GRM7: variants seen among roughly 807,000 people sequenced by gnomAD.
The protein encoded by GRM7 is glutamate metabotropic receptor 7.
Under a neutral mutation model 84.5 loss-of-function variants are expected in GRM7, and 35 were observed. The ratio of observed to expected loss-of-function variants is 0.41; its 90% CI spans 0.32 to 0.55. The LOEUF (loss-of-function observed/expected upper bound fraction) is 0.55. GRM7 is among the 20% of genes least tolerant of loss of function. The pLI is 0.19. For missense variants in GRM7, 1,003 were observed against 1,194.6 expected (o/e 0.84, Z 2.36); for synonymous variants, 487 against 455.1 (o/e 1.07, Z -0.89).
chr3:7,483,169 A>G (rs778088034), intron 7 of GRM7, among the ~76,000 whole-genome samples: 1 of 152,208 alleles, frequency 6.6e-6, no homozygotes, highest in South Asian at 2.1e-4. Context: ...TGAGGATGCA[A>G]CCTTGGACAT....
At chr3:7,628,608 G>C (rs1050999273) in intron 8 of GRM7, among the ~76,000 whole-genome samples, 2 of 152,044 alleles carry the variant, frequency 1.3e-5, no homozygotes, top group Non-Finnish European at 2.9e-5. Context: ...AAATCCCTAA[G>C]GTTACTTCCA....
chr3:7,548,215 A>C (rs192386688), intron 7 of GRM7, among the ~76,000 whole-genome samples: 4 of 152,350 alleles, frequency 2.6e-5, no homozygotes, highest in African/African-American at 9.6e-5. Context: ...CCTCTAGGTA[A>C]TGAGTGAATG....
intron 2 of GRM7, among the ~76,000 whole-genome samples, chr3:7,262,647 GT>G (rs1199642854): frequency 3.3e-5 from 5 of 152,142 alleles, no homozygotes; most frequent in African/African-American, 1.2e-4. Context: ...TAAAGAACTG[GT>G]GTAGTTGTTT....
chr3:7,148,057 A>T (rs1276098696), intron 2 of GRM7, among the ~76,000 whole-genome samples: 1 of 152,126 alleles, frequency 6.6e-6, no homozygotes, highest in African/African-American at 2.4e-5. Context: ...CTAAAGGAAA[A>T]ATTTAGGCTA....
At chr3:7,602,290 T>G (rs1030619352) in intron 8 of GRM7, among the ~76,000 whole-genome samples, 4 of 152,048 alleles carry the variant, frequency 2.6e-5, no homozygotes, top group Non-Finnish European at 5.9e-5. Flanking sequence ...CCTCCCCTAG[T>G]CAGGTGACAC....
chr3:7,563,550 G>C (rs934769942), intron 7 of GRM7, among the ~76,000 whole-genome samples: 4 of 152,118 alleles, frequency 2.6e-5, no homozygotes, highest in Non-Finnish European at 4.4e-5. Context: ...AAAGATTTGG[G>C]ACATTTAAGA....
At chr3:7,083,292 G>A (rs1384743570) in intron 1 of GRM7, among the ~76,000 whole-genome samples, 1 of 152,148 alleles carries the variant, frequency 6.6e-6, no homozygotes, top group African/African-American at 2.4e-5. Context: ...ACAGCTTGCT[G>A]AAGGCTCAGA....
At chr3:7,481,934 T>C (rs562857533) in intron 7 of GRM7, among the ~76,000 whole-genome samples, 163 of 152,222 alleles carry the variant, frequency 1.1e-3, no homozygotes, top group African/African-American at 3.9e-3. Flanking sequence ...ACGCCTGTAA[T>C]CCCCAGCACT....
rs536013120 is a variant in GRM7, at chr3:7,613,066, A to T, written c.2451+33709A>T. Among the ~76,000 whole-genome samples, 8 of 152,192 alleles carry T rather than the reference A, an allele frequency of 5.3e-5. No homozygotes were observed. In the East Asian group the frequency reaches 1.5e-3, roughly 29 times the overall value. ...TTTTTTAACATATTTATGTTATGTA[A>T]AGACAGTAAAAACTATCTCCCAACA... On this transcript the variant is annotated intron_variant, in intron 8 of 9. Coordinates refer to ENST00000357716, the MANE Select transcript of GRM7 (RefSeq NM_000844.4).
rs150097885 is a variant in GRM7 at position 7,102,599 on chromosome 3, G to A, written c.520-43853G>A. ...ATGTACAAGTCGAGGTATTGTCCTC[G>A]AATTGGAGAACATTTATCTAGTTTT... On this transcript the variant is annotated intron_variant, in intron 1 of 9. Transcript: ENST00000357716. 1.0e-3 allele frequency among the ~76,000 whole-genome samples: 151 copies of A among 151,722 alleles called. No homozygotes were observed. In the Middle Eastern group the frequency reaches 0.027, roughly 27 times the overall value.
At position 7,733,816 on chromosome 3, in the gene GRM7, C is replaced by T. The variant is rs539445438; in HGVS notation, c.2699-6541C>T. ...GCACTGTCTGACCCTCCTCTCCACG[C>T]ACCTTTGGAAACAAAGTATACCTTT... On this transcript the variant is annotated intron_variant, in intron 9 of 9. Transcript: ENST00000357716. 2.6e-4 allele frequency among the ~76,000 whole-genome samples: 40 copies of T among 152,276 alleles called. 1 individual carries two copies. The highest frequency in any genetic ancestry group is 9.6e-4 in the African/African-American group (40 of 41,556).
chr3:7,291,613 AG>A (rs1237264676), intron 2 of GRM7, among the ~76,000 whole-genome samples: 2 of 150,380 alleles, frequency 1.3e-5, no homozygotes, highest in Non-Finnish European at 3.0e-5. Flanking sequence ...AACTGACTTC[AG>A]GGGATTTCTG....
intron 1 of GRM7, among the ~76,000 whole-genome samples, chr3:6,997,494 C>T (rs1205778939): frequency 6.6e-6 from 1 of 152,078 alleles, no homozygotes; most frequent in Non-Finnish European, 1.5e-5. Flanking sequence ...GGGAAAGCCC[C>T]TTATAAAGCC....
chr3:7,458,382 T>C (rs557625990), intron 6 of GRM7, among the ~76,000 whole-genome samples: 2 of 152,254 alleles, frequency 1.3e-5, no homozygotes, highest in South Asian at 4.1e-4. Flanking sequence ...AAATATAGAG[T>C]TCATTGAACA....
Position 7,295,855 on chromosome 3 carries a change from A to G in GRM7, c.737-2829A>G, listed in dbSNP as rs1699796887. ...GGGGGGGATTTCTCTGTCATATGTAAATAGAACTGATTTTACTTTTTCCTT... is the reference window on the plus strand; with the variant it reads ...GGGGGGGATTTCTCTGTCATATGTAGATAGAACTGATTTTACTTTTTCCTT... On this transcript the variant is annotated intron_variant, in intron 2 of 9. Coordinates refer to ENST00000357716, the MANE Select transcript of GRM7 (RefSeq NM_000844.4). 2.6e-5 allele frequency among the ~76,000 whole-genome samples: 4 copies of G among 151,916 alleles called. No individual in the cohort carries two copies. In the South Asian group the frequency reaches 8.3e-4, roughly 32 times the overall value.
At chr3:6,888,893 C>A (rs1695816108) in intron 1 of GRM7, among the ~76,000 whole-genome samples, 3 of 152,078 alleles carry the variant, frequency 2.0e-5, no homozygotes, top group African/African-American at 7.2e-5. Context: ...TTGTTTGTAT[C>A]CTCTTTATTT....
chr3:7,458,984 A>G (rs1698131856), intron 6 of GRM7, among the ~76,000 whole-genome samples: 1 of 152,192 alleles, frequency 6.6e-6, no homozygotes, highest in African/African-American at 2.4e-5. Flanking sequence ...CCAATATTAA[A>G]AATCTTTTGT....
At chr3:7,682,644 A>ACGAAATTAGAAGTTTT (rs1455709945) in intron 9 of GRM7, among the ~76,000 whole-genome samples, 21 of 152,246 alleles carry the variant, frequency 1.4e-4, no homozygotes, top group African/African-American at 3.6e-4. Context: ...GGGGAAAAAG[A>ACGAAATTAGAAGTTTT]CGAAATTAGA....
At chr3:7,638,117 C>T (rs1030845989) in intron 8 of GRM7, among the ~76,000 whole-genome samples, 4 of 152,176 alleles carry the variant, frequency 2.6e-5, no homozygotes, top group African/African-American at 9.7e-5. Flanking sequence ...ACTTCTTCTT[C>T]ATTTATTTCC....
Sources: allele counts gnomAD v4.1 joint callset (sites outside exome capture counted in the v4.1 genomes callset), GRCh38; gene constraint gnomAD v4.1.1; transcripts MANE v1.5; gene names NCBI Gene and HGNC (gene_info 2026-07-23, HGNC 2026-07-21).